The following GRP variants were observed in gnomAD, a reference collection of about 807,000 sequenced individuals.
GRP encodes the protein gastrin releasing peptide, also known as gastrin-releasing peptide.
GRP carries 11 observed loss-of-function variants against 12.7 expected under a neutral mutation model. The ratio of observed to expected loss-of-function variants is 0.87; its 90% CI spans 0.55 to 1.44. The LOEUF is 1.44. GRP is among the 40% of genes most tolerant of loss of function. The probability of loss-of-function intolerance (pLI) is 0.00; values close to 1 mark genes in which losing one functional copy is unlikely to be tolerated. For missense variants in GRP, 212 were observed against 185.4 expected (o/e 1.14, Z -0.83); for synonymous variants, 84 against 77.7 (o/e 1.08, Z -0.43).
upstream of GRP, among the ~76,000 whole-genome samples, chr18:59,219,614 AAG>A (rs555515754): frequency 2.4e-3 from 362 of 149,180 alleles, 3 homozygotes; most frequent in African/African-American, 8.4e-3. Context: ...GGTCCAGAAA[AAG>A]AGAGAGAGAT....
chr18:59,219,711 G>A (rs1250477413), upstream of GRP, among the ~76,000 whole-genome samples: 2 of 152,080 alleles, frequency 1.3e-5, no homozygotes, highest in African/African-American at 4.8e-5. Context: ...GAATCAGAAG[G>A]CCTTCAAATG....
At position 59,225,476 on chromosome 18, in the gene GRP, G is replaced by A. The variant is rs2069901416; in HGVS notation, c.140-16G>A. The A allele has an allele frequency of 6.3e-7, 1 of 1,591,294 alleles. No individual in the cohort carries two copies. The highest frequency in any genetic ancestry group is 1.8e-5 in the Admixed American group (1 of 55,062). Reference sequence around the variant, plus strand: ...AATTTGTGGCATTCTGAGTGTTTTTGTTTTTGTTTTTACAGGGCACTTAAT... The same window carrying A: ...AATTTGTGGCATTCTGAGTGTTTTTATTTTTGTTTTTACAGGGCACTTAAT... On this transcript the variant is annotated splice_polypyrimidine_tract_variant and intron_variant, in intron 1 of 2. Coordinates refer to ENST00000256857, the MANE Select transcript of GRP (RefSeq NM_002091.5).
At position 59,220,339 on chromosome 18, in the gene GRP, CGCTG is replaced by C; in HGVS notation, c.75_78del (p.Pro27ArgfsTer7). ...CTGGCGCCCCGGGGGCGAGCGGTCC[CGCTG>C]CCTGCGGGCGGAGGGACCGTGCTGA... On this transcript the variant is annotated frameshift_variant, in exon 1 of 3. Transcript: ENST00000256857. LOFTEE classifies it high-confidence loss of function. The C allele has an allele frequency of 6.7e-7, 1 of 1,485,054 alleles. No individual in the cohort carries two copies. The highest frequency in any genetic ancestry group is 8.9e-7 in the Non-Finnish European group (1 of 1,121,120). The allele number at this position is 1,485,054 out of a possible 1,614,324, so 92.0% of individuals were successfully genotyped here.
intron 1 of GRP, 73 bp downstream of exon 1, chr18:59,220,477 C>G (rs914705309): frequency 2.4e-6 from 3 of 1,267,060 alleles, no homozygotes; most frequent in Non-Finnish European, 3.0e-6. Flanking sequence ...ACCTGTCTCC[C>G]CATTTCTTTG....
At chr18:59,226,575 T>G (rs2069924897) in intron 2 of GRP, among the ~76,000 whole-genome samples, 2 of 152,176 alleles carry the variant, frequency 1.3e-5, no homozygotes, top group African/African-American at 4.8e-5. Context: ...TTCTCTCCAT[T>G]TTAGAGGTAA....
intron 1 of GRP, among the ~76,000 whole-genome samples, chr18:59,220,988 ACT>A (rs147868838): frequency 0.011 from 1,616 of 151,726 alleles, 12 homozygotes; most frequent in Non-Finnish European, 0.017. Context: ...CCTGTCTGTG[ACT>A]CTCTGGAGTT....
Position 59,225,520 on chromosome 18 carries a change from G to A in GRP, c.168G>A (p.Gly56=), listed in dbSNP as rs1228707325. The stretch of plus-strand genomic sequence containing the variant: ...ACTTAATGGGGAAAAAGAGCACAGG[G>A]GAGTCTTCTTCTGTTTCTGAGAGAG... ...VGHLMGKKST[G]ESSSVSERGS... Residue 56 remains glycine, a synonymous_variant, in exon 2 of 3, where the codon GGG becomes GGA. Transcript: ENST00000256857. The A allele has an allele frequency of 1.9e-6, 3 of 1,613,474 alleles. No homozygotes were observed. Among genetic ancestry groups the A allele is most frequent in the East Asian group, 4.5e-5 (2 of 44,886 alleles).
intron 1 of GRP, among the ~76,000 whole-genome samples, chr18:59,220,613 A>AGCCGCAGGCTGGTCC (rs2069816591): frequency 6.6e-6 from 1 of 152,060 alleles, no homozygotes; most frequent in African/African-American, 2.4e-5. Flanking sequence ...GTCCCTAGTC[A>AGCCGCAGGCTGGTCC]GCCGCAGGCT....
In GRP at chr18:59,224,523, C is replaced by T. The variant is rs147467179; in HGVS notation, c.140-969C>T. Among the ~76,000 whole-genome samples the T allele has an allele frequency of 7.9e-3, 1,198 of 152,174 alleles. 17 individuals carry two copies. The highest frequency in any genetic ancestry group is 0.031 in the Middle Eastern group (9 of 294). On this transcript the variant is annotated intron_variant, in intron 1 of 2. Coordinates refer to ENST00000256857, the MANE Select transcript of GRP (RefSeq NM_002091.5). ...ATCAAAAGCACCATAGTTTTGTTGA[C>T]GTTAGAAATTTCAAAGTGCTACAAA...
intron 1 of GRP, 131 bp downstream of exon 1, chr18:59,220,535 A>C: frequency 1.4e-6 from 1 of 699,252 alleles, no homozygotes; most frequent in Non-Finnish European, 2.1e-6. Flanking sequence ...TGACCTTTCT[A>C]TCGGCAAACA....
In GRP at chr18:59,221,642, G is replaced by A. The variant is rs1184183029; in HGVS notation, c.139+1238G>A. The stretch of plus-strand genomic sequence containing the variant: ...ATTTCCTTAGCCATCTACTTAGAAC[G>A]GGCGCTGGGGAACGGTGTGTTGAAC... On this transcript the variant is annotated intron_variant, in intron 1 of 2. Coordinates refer to ENST00000256857, the MANE Select transcript of GRP (RefSeq NM_002091.5). 5.9e-5 allele frequency among the ~76,000 whole-genome samples: 9 copies of A among 151,972 alleles called. No individual in the cohort carries two copies. In the East Asian group the frequency reaches 9.7e-4, roughly 16 times the overall value.
intron 2 of GRP, among the ~76,000 whole-genome samples, chr18:59,230,073 GA>G (rs2070006797): frequency 6.6e-6 from 1 of 152,148 alleles, no homozygotes; most frequent in African/African-American, 2.4e-5. Context: ...AAACATACCT[GA>G]GTAATCATAT....
intron 1 of GRP, among the ~76,000 whole-genome samples, chr18:59,224,412 A>C (rs2069882919): frequency 6.6e-6 from 1 of 152,230 alleles, no homozygotes; most frequent in Non-Finnish European, 1.5e-5. Context: ...AAGACTGAAG[A>C]TCTTTCAAAT....
chr18:59,229,903 T>C (rs1826651154), intron 2 of GRP, among the ~76,000 whole-genome samples: 1 of 152,192 alleles, frequency 6.6e-6, no homozygotes, highest in African/African-American at 2.4e-5. Flanking sequence ...AGGTTTGTAA[T>C]GTATAATTAT....
chr18:59,219,794 C>T (rs73456218), upstream of GRP, among the ~76,000 whole-genome samples: 697 of 152,226 alleles, frequency 4.6e-3, 7 homozygotes, highest in African/African-American at 0.016. Flanking sequence ...CCCCCCACCC[C>T]TCCCGGCCCA....
chr18:59,229,701 T>C lies in GRP; in HGVS notation c.383-703T>C, dbSNP rs73456224. 6.5e-3 allele frequency among the ~76,000 whole-genome samples: 989 copies of C among 152,312 alleles called. 10 individuals carry two copies. The highest frequency in any genetic ancestry group is 0.022 in the African/African-American group (934 of 41,548). ...TCTTAGTCTCAACAAAAAGTGTTTTTTCATCTCAGCGCGTAAAGGGTGCTA... is the reference window on the plus strand; with the variant it reads ...TCTTAGTCTCAACAAAAAGTGTTTTCTCATCTCAGCGCGTAAAGGGTGCTA... On this transcript the variant is annotated intron_variant, in intron 2 of 2. Coordinates refer to ENST00000256857, the MANE Select transcript of GRP (RefSeq NM_002091.5).
chr18:59,227,477 G>A (rs2069962299), intron 2 of GRP, among the ~76,000 whole-genome samples: 1 of 152,108 alleles, frequency 6.6e-6, no homozygotes, highest in Non-Finnish European at 1.5e-5. Context: ...TAGCTGCCAT[G>A]CCTTTTTCAT....
rs937713282 is a variant in GRP, at chr18:59,230,724, C to A, written c.*256C>A. On this transcript the variant is annotated 3_prime_UTR_variant, in exon 3 of 3. Transcript: ENST00000256857. ...GGCTACCTGTTGGTTAGATTCAAGG[C>A]CCCGAGCTGTTACCATTCACAATAA... The A allele has an allele frequency of 1.5e-5, 7 of 474,920 alleles. No homozygotes were observed. Among genetic ancestry groups the A allele is most frequent in the African/African-American group, 2.0e-5 (1 of 51,180 alleles). The allele number at this position is 474,920 out of a possible 1,614,324, so 29.4% of individuals were successfully genotyped here. A position where few individuals can be genotyped will look rare whatever the true frequency, so the allele number is the denominator to read the frequency against.
At chr18:59,220,517 G>A (rs1188940361) in intron 1 of GRP, 113 bp downstream of exon 1, 11 of 963,152 alleles carry the variant, frequency 1.1e-5, no homozygotes, top group Non-Finnish European at 1.5e-5. Flanking sequence ...TGGGAGCTGG[G>A]TTTGTTGTGA....
Sources: gnomAD v4.1 joint callset for allele counts (sites outside exome capture counted in the v4.1 genomes callset) on GRCh38, gnomAD v4.1.1 for gene constraint, MANE v1.5 for transcripts, NCBI Gene and HGNC (gene_info 2026-07-23, HGNC 2026-07-21) for gene names.